The following MCTP2 variants were observed in gnomAD, a reference collection of about 807,000 sequenced individuals.
MCTP2 encodes multiple C2 and transmembrane domain-containing protein 2.
A neutral mutation model predicts 111.6 loss-of-function variants in MCTP2; 132 were observed. That is an observed-to-expected ratio of 1.18 (90% CI 1.03 to 1.37). The LOEUF is 1.37. Ranked by LOEUF, MCTP2 falls within the 40% of genes most tolerant of loss-of-function variation. The pLI is 0.00. For missense variants in MCTP2, 1,183 were observed against 1,067.9 expected (o/e 1.11, Z -1.50); for synonymous variants, 395 against 387.7 (o/e 1.02, Z -0.22).
At chr15:94,302,073 C>A (rs2075642937) in intron 2 of MCTP2, among the ~76,000 whole-genome samples, 1 of 152,160 alleles carries the variant, frequency 6.6e-6, no homozygotes, top group Admixed American at 6.5e-5. Context: ...CTCAGTTTAA[C>A]TTACTTTGTT....
At chr15:94,400,264 A>G (rs947515483) in intron 16 of MCTP2, among the ~76,000 whole-genome samples, 1 of 152,154 alleles carries the variant, frequency 6.6e-6, no homozygotes, top group African/African-American at 2.4e-5. Context: ...CTCCTGATTC[A>G]TTGTATAAAC....
At chr15:94,402,381 A>G in intron 17 of MCTP2, 1 of 1,502,112 alleles carries the variant, frequency 6.7e-7, no homozygotes. Flanking sequence ...GAATTGTTCA[A>G]TTTACATTTT....
intron 20 of MCTP2, among the ~76,000 whole-genome samples, chr15:94,468,640 G>C (rs1182205051): frequency 6.6e-6 from 1 of 152,042 alleles, no homozygotes; most frequent in Non-Finnish European, 1.5e-5. Context: ...ATAACACTCA[G>C]TCTTTTGTTT....
At chr15:94,461,302 A>C (rs1019270767) in intron 20 of MCTP2, among the ~76,000 whole-genome samples, 2 of 151,982 alleles carry the variant, frequency 1.3e-5, no homozygotes, top group African/African-American at 4.8e-5. Context: ...TCTACTAAAA[A>C]TACAAAAATT....
At chr15:94,245,524 ATT>A (rs1238696857) in intron 1 of MCTP2, among the ~76,000 whole-genome samples, 2 of 141,292 alleles carry the variant, frequency 1.4e-5, no homozygotes, top group African/African-American at 5.2e-5. Context: ...ATATGTATAT[ATT>A]TATATACATA....
chr15:94,414,625 T>C (rs952816433), intron 17 of MCTP2, among the ~76,000 whole-genome samples: 5 of 152,176 alleles, frequency 3.3e-5, no homozygotes, highest in African/African-American at 1.2e-4. Context: ...GCAGGATAGA[T>C]GAAGATTTAA....
At chr15:94,431,557 G>T (rs776342829) in intron 17 of MCTP2, among the ~76,000 whole-genome samples, 2 of 152,164 alleles carry the variant, frequency 1.3e-5, no homozygotes, top group Non-Finnish European at 2.9e-5. Context: ...TTGGTATAGT[G>T]ATATGTAAGA....
At chr15:94,416,319 G>A (rs879908713) in intron 17 of MCTP2, among the ~76,000 whole-genome samples, 2 of 151,984 alleles carry the variant, frequency 1.3e-5, no homozygotes, top group South Asian at 4.1e-4. Flanking sequence ...TCGGCTGACG[G>A]CACTGTATTT....
Position 94,340,914 on chromosome 15 carries a change from T to G in MCTP2, c.959T>G (p.Phe320Cys). 1.9e-6 allele frequency: 3 copies of G among 1,600,176 alleles called. No individual in the cohort carries two copies. Residue 320 changes from phenylalanine to cysteine, a missense_variant, in exon 7 of 23, where the codon TTC becomes TGC. Phe to Cys is a radical substitution (Grantham distance 205, BLOSUM62 -2). Transcript: ENST00000357742. The stretch of plus-strand genomic sequence containing the variant: ...AACCTAGTGGTAAAACAGGGTGATT[T>G]CAAGAGACACGTAAGTGGGACCTTC... The part of the protein sequence containing the change: ...NLNLVVKQGD[F>C]KRHRWSNRKR...
chr15:94,466,454 C>CGAA (rs2073312186), intron 20 of MCTP2, among the ~76,000 whole-genome samples: 3 of 152,130 alleles, frequency 2.0e-5, no homozygotes, highest in Non-Finnish European at 4.4e-5. Context: ...TGAGGCTTTT[C>CGAA]AAGCAACACT....
intron 20 of MCTP2, among the ~76,000 whole-genome samples, chr15:94,466,764 T>TTTTA (rs2073358575): frequency 6.6e-6 from 1 of 151,954 alleles, no homozygotes; most frequent in African/African-American, 2.4e-5. Flanking sequence ...TTGCAGTTTA[T>TTTTA]TTTATTTTTA....
intron 19 of MCTP2, among the ~76,000 whole-genome samples, chr15:94,449,511 T>G (rs1181469039): frequency 6.6e-6 from 1 of 152,216 alleles, no homozygotes; most frequent in African/African-American, 2.4e-5. Flanking sequence ...TCTGCATTAT[T>G]TTGCCAATGT....
chr15:94,277,423 C>G (rs538242703), intron 1 of MCTP2, among the ~76,000 whole-genome samples: 1 of 152,008 alleles, frequency 6.6e-6, no homozygotes, highest in Non-Finnish European at 1.5e-5. Context: ...GGAAGCAGCC[C>G]AGAGGTTCTT....
intron 1 of MCTP2, among the ~76,000 whole-genome samples, chr15:94,281,742 G>A (rs1056884479): frequency 2.6e-5 from 4 of 152,102 alleles, no homozygotes; most frequent in Non-Finnish European, 5.9e-5. Flanking sequence ...CCTCTTATAA[G>A]GCTGGTCTAG....
At chr15:94,288,585 T>C (rs1290702751) in intron 1 of MCTP2, among the ~76,000 whole-genome samples, 1 of 152,244 alleles carries the variant, frequency 6.6e-6, no homozygotes, top group Non-Finnish European at 1.5e-5. Flanking sequence ...GATATCAGCA[T>C]CTTTGTAGAC....
At chr15:94,273,392 A>G (rs1479085198) in intron 1 of MCTP2, 1 of 152,222 alleles carries the variant, frequency 6.6e-6, no homozygotes, top group Non-Finnish European at 1.5e-5. Context: ...ACACAAACAT[A>G]ACTAGACAAT....
chr15:94,296,796 T>A (rs576992251), intron 1 of MCTP2, among the ~76,000 whole-genome samples: 6 of 152,180 alleles, frequency 3.9e-5, no homozygotes, highest in African/African-American at 1.4e-4. Context: ...TTGTAACCCA[T>A]GGAGTCTGTT....
intron 19 of MCTP2, among the ~76,000 whole-genome samples, chr15:94,444,415 C>T (rs559951780): frequency 8.5e-5 from 13 of 152,300 alleles, no homozygotes; most frequent in Non-Finnish European, 1.9e-4. Flanking sequence ...CAATCTCTGG[C>T]CCCCTCTTCC....
intron 1 of MCTP2, among the ~76,000 whole-genome samples, chr15:94,249,459 A>G (rs1225995606): frequency 2.6e-5 from 4 of 151,700 alleles, no homozygotes; most frequent in Admixed American, 2.6e-4. Context: ...CAAGTGAATG[A>G]CATCATATTT....
Sources: gnomAD v4.1 joint callset for allele counts (sites outside exome capture counted in the v4.1 genomes callset) on GRCh38, gnomAD v4.1.1 for gene constraint, MANE v1.5 for transcripts, NCBI Gene and HGNC (gene_info 2026-07-23, HGNC 2026-07-21) for gene names.